RSPH14: variants seen among roughly 807,000 people sequenced by gnomAD.
RSPH14 encodes rhabdoid tumor deletion region gene 1.
In RSPH14, 20 loss-of-function variants were observed where a neutral mutation model predicts 26.7. That is an observed-to-expected ratio of 0.75 (90% CI 0.53 to 1.09). The LOEUF is 1.09. Among genes scored for constraint, RSPH14 ranks in the 50% least tolerant of loss-of-function variants. The pLI, the probability that RSPH14 is intolerant of heterozygous loss-of-function variation, is 0.00. For synonymous variants in RSPH14, 177 were observed against 189.3 expected (o/e 0.93, Z 0.53); for missense variants, 449 against 457.2 (o/e 0.98, Z 0.16).
At chr22:23,117,473 C>T (rs2069880273) in intron 4 of RSPH14, among the ~76,000 whole-genome samples, 1 of 152,224 alleles carries the variant, frequency 6.6e-6, no homozygotes, top group Admixed American at 6.5e-5. Context: ...CCACTCCGTC[C>T]GGCTGAGCTG....
intron 4 of RSPH14, among the ~76,000 whole-genome samples, chr22:23,077,846 C>T (rs1336705376): frequency 6.6e-6 from 1 of 152,192 alleles, no homozygotes; most frequent in Non-Finnish European, 1.5e-5. Context: ...GGCCCTGACC[C>T]CCTGTGAACT....
At chr22:23,161,364 G>T in the RSPH14 span, 1 of 841,518 alleles carries the variant, frequency 1.2e-6, no homozygotes, top group Non-Finnish European at 1.9e-6. Context: ...CTTGGCTTGT[G>T]TCAGGCCATT....
intron 4 of RSPH14, among the ~76,000 whole-genome samples, chr22:23,112,703 G>A (rs1569182629): frequency 6.6e-6 from 1 of 152,226 alleles, no homozygotes; most frequent in African/African-American, 2.4e-5. Context: ...TAAGCACGAT[G>A]CAGCTGCGAC....
At position 23,136,402 on chromosome 22, in the gene RSPH14, A is replaced by G. The variant is rs1456149220; in HGVS notation, c.303-2258T>C. ...TAGAGCTTGATGGGCTCTGAAAGCT[A>G]TTGACATTGGTTATAAGATCACCAC... On this transcript the variant is annotated intron_variant, in intron 3 of 6. Transcript: ENST00000216036. 9 of 571,474 alleles carry G rather than the reference A, an allele frequency of 1.6e-5. 2 individuals carry two copies. The East Asian group carries it at 3.0e-4, about 19-fold the overall frequency. The allele number at this position is 571,474 out of a possible 1,614,324, so 35.4% of individuals were successfully genotyped here.
intron 3 of RSPH14, 53 bp downstream of exon 3, chr22:23,138,786 AG>A (rs2070528879): frequency 1.4e-6 from 2 of 1,446,512 alleles, no homozygotes; most frequent in African/African-American, 2.8e-5. Context: ...GCATCCACCC[AG>A]GGGAGAAGTG....
intron 4 of RSPH14, among the ~76,000 whole-genome samples, chr22:23,079,222 C>T (rs543426619): frequency 5.3e-5 from 8 of 152,324 alleles, no homozygotes; most frequent in East Asian, 3.9e-4. Flanking sequence ...AGGCAGCACA[C>T]GTGGTGTGGC....
the RSPH14 span, among the ~76,000 whole-genome samples, chr22:23,179,281 AG>A: frequency 7.0e-6 from 1 of 142,094 alleles, no homozygotes; most frequent in East Asian, 2.2e-4. Context: ...AGAGAGGGAG[AG>A]GTGGTCAGGA....
At chr22:23,121,720 C>CTTTTTT (rs10598505) in intron 4 of RSPH14, among the ~76,000 whole-genome samples, 1 of 123,184 alleles carries the variant, frequency 8.1e-6, no homozygotes, top group Non-Finnish European at 1.7e-5. Context: ...AGAAAAGTTC[C>CTTTTTT]TTTTTTTTTT....
chr22:23,152,262 C>T, the RSPH14 span, among the ~76,000 whole-genome samples: 1 of 152,156 alleles, frequency 6.6e-6, no homozygotes, highest in Non-Finnish European at 1.5e-5. Flanking sequence ...GCTCTAGGGG[C>T]AGCAGAGTCT....
chr22:23,101,378 G>A (rs2069299836), intron 4 of RSPH14, among the ~76,000 whole-genome samples: 1 of 152,196 alleles, frequency 6.6e-6, no homozygotes, highest in Admixed American at 6.5e-5. Flanking sequence ...TGGGGGTATA[G>A]ACTGGGTTCC....
the RSPH14 span, chr22:23,152,913 AC>A: frequency 1.4e-6 from 1 of 738,836 alleles, no homozygotes; most frequent in East Asian, 2.5e-5. Context: ...GCCTGCGTGG[AC>A]CATCGCTTCC....
chr22:23,130,530 AAGAG>A (rs72334275), intron 4 of RSPH14, among the ~76,000 whole-genome samples: 1 of 124,392 alleles, frequency 8.0e-6, no homozygotes, highest in African/African-American at 3.0e-5. Context: ...GAAAGAAAGA[AAGAG>A]AAAGAAGGAA....
At chr22:23,151,182 G>C in the RSPH14 span, among the ~76,000 whole-genome samples, 4 of 152,232 alleles carry the variant, frequency 2.6e-5, no homozygotes, top group Non-Finnish European at 2.9e-5. Flanking sequence ...GCTGAGATCA[G>C]AATAGCCGAA....
the RSPH14 span, chr22:23,161,003 G>C: frequency 6.3e-7 from 1 of 1,598,866 alleles, no homozygotes; most frequent in Non-Finnish European, 8.6e-7. Flanking sequence ...TAATCCGTGA[G>C]TATAGGTGTG....
intron 4 of RSPH14, among the ~76,000 whole-genome samples, chr22:23,126,781 C>T (rs1017742398): frequency 1.3e-5 from 2 of 152,200 alleles, no homozygotes; most frequent in Admixed American, 6.5e-5. Flanking sequence ...GGTGACTAAT[C>T]CCGCCTTGTC....
intron 1 of RSPH14, among the ~76,000 whole-genome samples, chr22:23,141,327 C>CAAAAAAA (rs35460609): frequency 1.2e-5 from 1 of 82,322 alleles, no homozygotes; most frequent in African/African-American, 4.7e-5. Flanking sequence ...GACTCCGTCT[C>CAAAAAAA]AAAAAAAAAA....
chr22:23,127,635 C>G (rs1255977225), intron 4 of RSPH14, among the ~76,000 whole-genome samples: 1 of 152,202 alleles, frequency 6.6e-6, no homozygotes, highest in Non-Finnish European at 1.5e-5. Context: ...AGACATACGG[C>G]TCACTGCAGT....
intron 4 of RSPH14, among the ~76,000 whole-genome samples, chr22:23,077,451 C>T (rs774732124): frequency 1.3e-5 from 2 of 152,152 alleles, no homozygotes; most frequent in African/African-American, 2.4e-5. Context: ...TCTACAAGGC[C>T]GGGAGCCTCC....
At chr22:23,106,957 G>A (rs978411420) in intron 4 of RSPH14, among the ~76,000 whole-genome samples, 2 of 152,212 alleles carry the variant, frequency 1.3e-5, no homozygotes, top group African/African-American at 4.8e-5. Flanking sequence ...AAACCAGGGA[G>A]GGCAGACAGG....
Sources: gnomAD v4.1 joint callset for allele counts (sites outside exome capture counted in the v4.1 genomes callset) on GRCh38, gnomAD v4.1.1 for gene constraint, MANE v1.5 for transcripts, NCBI Gene and HGNC (gene_info 2026-07-23, HGNC 2026-07-21) for gene names.